SESTD1: variants seen among roughly 807,000 people sequenced by gnomAD.
SESTD1 encodes SEC14 and spectrin domain containing 1.
SESTD1 carries 43 observed loss-of-function variants against 101.7 expected under a neutral mutation model. The observed-to-expected ratio is 0.42, with a 90% CI of 0.33 to 0.55. The LOEUF (loss-of-function observed/expected upper bound fraction) is 0.55, where lower values mean the gene tolerates loss of function less well. Among genes scored for constraint, SESTD1 ranks in the 20% least tolerant of loss-of-function variants. The pLI is 0.07. For missense variants in SESTD1, 647 were observed against 815.1 expected, an observed-to-expected ratio of 0.79 and a Z score of 2.51; for synonymous variants, 283 against 286.8, an observed-to-expected ratio of 0.99 and a Z score of 0.13.
At chr2:179,145,605 G>A (rs554542189) in intron 8 of SESTD1, among the ~76,000 whole-genome samples, 15 of 152,344 alleles carry the variant, frequency 9.8e-5, no homozygotes, top group African/African-American at 3.6e-4. Flanking sequence ...AGATATTTGG[G>A]TTGGAATATA....
intron 8 of SESTD1, among the ~76,000 whole-genome samples, chr2:179,145,415 G>A (rs1314555948): frequency 1.3e-5 from 2 of 152,090 alleles, no homozygotes; most frequent in Admixed American, 1.3e-4. Context: ...AATGACAATA[G>A]TATCTATTTC....
intron 1 of SESTD1, among the ~76,000 whole-genome samples, chr2:179,199,178 T>A (rs1026187348): frequency 3.3e-5 from 5 of 151,968 alleles, no homozygotes; most frequent in South Asian, 2.1e-4. Flanking sequence ...TACAAACACC[T>A]CTACGCAAAT....
chr2:179,229,574 C>T (rs1260068961), intron 1 of SESTD1, among the ~76,000 whole-genome samples: 2 of 151,784 alleles, frequency 1.3e-5, no homozygotes, highest in African/African-American at 4.8e-5. Flanking sequence ...TGTAACTCTC[C>T]ATCCTTTTGT....
At chr2:179,251,494 C>G (rs2047316616) in intron 1 of SESTD1, among the ~76,000 whole-genome samples, 1 of 152,170 alleles carries the variant, frequency 6.6e-6, no homozygotes, top group East Asian at 1.9e-4. Context: ...CCAGACCTGT[C>G]CTTGCTCCAA....
intron 1 of SESTD1, among the ~76,000 whole-genome samples, chr2:179,192,200 A>T (rs2046329311): frequency 6.6e-6 from 1 of 152,190 alleles, no homozygotes; most frequent in Non-Finnish European, 1.5e-5. Flanking sequence ...ACTCGGGCTA[A>T]AACACTGCCT....
At chr2:179,254,544 C>G (rs1384927388) in intron 1 of SESTD1, among the ~76,000 whole-genome samples, 3 of 152,224 alleles carry the variant, frequency 2.0e-5, no homozygotes, top group Non-Finnish European at 1.5e-5. Flanking sequence ...GGCACTAACG[C>G]CATCACTACT....
intron 1 of SESTD1, among the ~76,000 whole-genome samples, chr2:179,240,590 C>T (rs1360397541): frequency 6.6e-6 from 1 of 152,070 alleles, no homozygotes; most frequent in Non-Finnish European, 1.5e-5. Context: ...ACAAAAGCCG[C>T]CAGTCAAAAG....
chr2:179,169,798 A>T (rs2045899371), intron 5 of SESTD1, among the ~76,000 whole-genome samples: 1 of 152,022 alleles, frequency 6.6e-6, no homozygotes, highest in Admixed American at 6.6e-5. Context: ...AACGTAGAGA[A>T]ACCCCGTCTC....
intron 2 of SESTD1, among the ~76,000 whole-genome samples, chr2:179,188,619 G>A (rs954689535): frequency 6.6e-6 from 1 of 152,014 alleles, no homozygotes; most frequent in Non-Finnish European, 1.5e-5. Flanking sequence ...ACCCTAGACT[G>A]AGTGACAAAG....
At chr2:179,121,031 C>G (rs375528806) in intron 13 of SESTD1, among the ~76,000 whole-genome samples, 3 of 152,146 alleles carry the variant, frequency 2.0e-5, no homozygotes, top group African/African-American at 7.2e-5. Context: ...AAACGGAGAG[C>G]TCTATCATCC....
At chr2:179,132,512 T>A in intron 9 of SESTD1, 86 bp from the exon 10 acceptor site, 1 of 1,437,672 alleles carries the variant, frequency 7.0e-7, no homozygotes, top group Non-Finnish European at 9.3e-7. Context: ...CCTCCCAAAG[T>A]TCCCCAATTA....
At chr2:179,261,082 G>A (rs2047476291) in intron 1 of SESTD1, among the ~76,000 whole-genome samples, 2 of 152,170 alleles carry the variant, frequency 1.3e-5, no homozygotes, top group African/African-American at 4.8e-5. Context: ...TGGGTTCTAG[G>A]ATCGGCTATG....
At chr2:179,200,981 A>G (rs1275720274) in intron 1 of SESTD1, among the ~76,000 whole-genome samples, 1 of 134,454 alleles carries the variant, frequency 7.4e-6, no homozygotes, top group Admixed American at 7.2e-5. Flanking sequence ...CAGAGTGAAC[A>G]GGCAACCTAC....
chr2:179,197,541 G>A (rs1348073120), intron 1 of SESTD1, among the ~76,000 whole-genome samples: 2 of 152,188 alleles, frequency 1.3e-5, no homozygotes, highest in African/African-American at 4.8e-5. Flanking sequence ...AGGAAAAAAT[G>A]TTAAGGGCAG....
chr2:179,187,525 T>C (rs2046252033), intron 2 of SESTD1, among the ~76,000 whole-genome samples: 1 of 152,190 alleles, frequency 6.6e-6, no homozygotes, highest in South Asian at 2.1e-4. Context: ...TCCCAGCTAG[T>C]CGAAAGGCTG....
intron 3 of SESTD1, among the ~76,000 whole-genome samples, chr2:179,178,412 C>T (rs1186005648): frequency 6.6e-6 from 1 of 152,080 alleles, no homozygotes; most frequent in Non-Finnish European, 1.5e-5. Context: ...AAGAGGATGG[C>T]TTGAGCCAAG....
Position 179,208,745 on chromosome 2 carries a change from A to C in SESTD1, c.-25-16879T>G, listed in dbSNP as rs2046618159. Among the ~76,000 whole-genome samples, 4 of 135,150 alleles carry C rather than the reference A, an allele frequency of 3.0e-5. 1 individual carries two copies. The allele number at this position is 135,150 out of a possible 152,430, so 88.7% of individuals were successfully genotyped here. On this transcript the variant is annotated intron_variant, in intron 1 of 17. Transcript: ENST00000428443. ...CTCTAAATCTTGAAACAAATCCTCG[A>C]AATACACCAAAATAGAATCTCCTTA...
intron 2 of SESTD1, among the ~76,000 whole-genome samples, chr2:179,187,639 A>G (rs966994056): frequency 2.0e-5 from 3 of 152,132 alleles, no homozygotes; most frequent in Admixed American, 6.6e-5. Context: ...GTCTCAAACA[A>G]ACAAACAAAA....
chr2:179,121,539 A>C (rs988398727), intron 13 of SESTD1, among the ~76,000 whole-genome samples: 6 of 152,110 alleles, frequency 3.9e-5, no homozygotes, highest in African/African-American at 1.4e-4. Flanking sequence ...AGTTGAGTAT[A>C]ATTGAAATTT....
Sources: gnomAD v4.1 joint callset for allele counts (sites outside exome capture counted in the v4.1 genomes callset) on GRCh38, gnomAD v4.1.1 for gene constraint, MANE v1.5 for transcripts, NCBI Gene and HGNC (gene_info 2026-07-23, HGNC 2026-07-21) for gene names.